The following ASB15 variants were observed in gnomAD, a reference collection of about 807,000 sequenced individuals.
ASB15 encodes ankyrin repeat and SOCS box containing 15.
Under a neutral mutation model 58.0 loss-of-function variants are expected in ASB15, and 54 were observed. That is an observed-to-expected ratio of 0.93 (90% CI 0.75 to 1.17). The LOEUF is 1.17. Ranked by LOEUF, ASB15 falls within the 50% of genes most tolerant of loss-of-function variation. The pLI is 0.00. For synonymous variants in ASB15, 249 were observed against 262.4 expected, an observed-to-expected ratio of 0.95 and a Z score of 0.50; for missense variants, 680 against 707.4, an observed-to-expected ratio of 0.96 and a Z score of 0.44.
intron 7 of ASB15, among the ~76,000 whole-genome samples, chr7:123,618,645 G>A (rs1038863678): frequency 4.0e-5 from 6 of 151,766 alleles, no homozygotes; most frequent in Admixed American, 2.6e-4. Flanking sequence ...AGGAGAGGGA[G>A]GAAAGGATGT....
At chr7:123,578,624 C>A (rs1198239825) in intron 1 of ASB15, among the ~76,000 whole-genome samples, 1 of 151,854 alleles carries the variant, frequency 6.6e-6, no homozygotes. Flanking sequence ...TTTGTATATA[C>A]TCTTTTAATA....
intron 1 of ASB15, among the ~76,000 whole-genome samples, chr7:123,593,412 G>A (rs1316257788): frequency 1.3e-5 from 2 of 152,104 alleles, no homozygotes; most frequent in African/African-American, 2.4e-5. Context: ...GCTGGTACCC[G>A]TTGTTCCTTT....
intron 6 of ASB15, 124 bp downstream of exon 6, chr7:123,616,619 T>A: frequency 8.3e-7 from 1 of 1,198,512 alleles, no homozygotes; most frequent in South Asian, 1.5e-5. Flanking sequence ...TATTTGGAAT[T>A]TGAAAAAGGC....
chr7:123,624,737 A>T lies in ASB15; in HGVS notation c.620A>T (p.Asp207Val). ...LKHGGNVHLR[D>V]GFGVTPLGVA... ...CATGGAGGCAATGTCCACCTGAGAGATGGATTTGGAGTCACACCACTAGGC... is the reference window on the plus strand; with the variant it reads ...CATGGAGGCAATGTCCACCTGAGAGTTGGATTTGGAGTCACACCACTAGGC... Residue 207 changes from aspartate to valine, a missense_variant, in exon 8 of 12, where the codon GAT (aspartate) becomes GTT (valine). Asp to Val is a radical substitution (Grantham distance 152). Transcript: ENST00000451215. 6.2e-7 allele frequency: 1 copy of T among 1,614,052 alleles called. No homozygotes were observed. Among genetic ancestry groups the T allele is most frequent in the Non-Finnish European group, 8.5e-7 (1 of 1,179,910 alleles).
chr7:123,567,633 G>A (rs1798797898), intron 1 of ASB15, among the ~76,000 whole-genome samples: 1 of 152,080 alleles, frequency 6.6e-6, no homozygotes, highest in African/African-American at 2.4e-5. Flanking sequence ...ACTGAGAGAG[G>A]CATGAGGAAA....
At chr7:123,597,314 G>A (rs1799725913), upstream of ASB15, among the ~76,000 whole-genome samples, 1 of 152,162 alleles carries the variant, frequency 6.6e-6, no homozygotes, top group Non-Finnish European at 1.5e-5. Context: ...CACAGTGTTT[G>A]TGTTCAAGGA....
intron 8 of ASB15, 146 bp downstream of exon 8, chr7:123,624,960 C>T: frequency 1.0e-6 from 1 of 992,970 alleles, no homozygotes; most frequent in Non-Finnish European, 1.5e-6. Context: ...GTTTTCCCAC[C>T]TGGTCCCTCA....
chr7:123,617,110 A>G (rs1427062562), intron 6 of ASB15, among the ~76,000 whole-genome samples: 9 of 152,276 alleles, frequency 5.9e-5, no homozygotes, highest in Admixed American at 4.6e-4. Flanking sequence ...TCTGGGAGAT[A>G]CATACTTGAT....
In ASB15 at chr7:123,629,288, C is replaced by T. The variant is rs774257065; in HGVS notation, c.1294C>T (p.Leu432=). The T allele has an allele frequency of 6.2e-7, 1 of 1,613,992 alleles. No homozygotes were observed. The highest frequency in any genetic ancestry group is 8.5e-7 in the Non-Finnish European group (1 of 1,179,986). ...IQYALNDEVM[L]RLLLNNGYQV... is the part of the protein sequence containing the mutation. ...ATATGCTCTAAACGACGAGGTAATG[C>T]TGAGGCTATTGCTGAATAATGGCTA... Residue 432 remains leucine (L), a synonymous_variant, in exon 10 of 12, where the codon CTG becomes TTG. Coordinates refer to ENST00000451215, the MANE Select transcript of ASB15 (RefSeq NM_001290258.2).
rs867739784 is a variant in ASB15, at chr7:123,611,322, T to A, written c.-3+2668T>A. Among the ~76,000 whole-genome samples the A allele has an allele frequency of 2.6e-5, 4 of 151,834 alleles. No homozygotes were observed. In the South Asian group the frequency reaches 8.3e-4, roughly 32 times the overall value. ...TTTTTTTCTTTTTTTTGAGACGGAG[T>A]CTCGCTCTGTCGCCCAGGCTGGGGT... On this transcript the variant is annotated intron_variant, in intron 3 of 11. Transcript: ENST00000451215.
In ASB15 at chr7:123,617,590, A is replaced by G; in HGVS notation, c.304A>G (p.Thr102Ala). The G allele has an allele frequency of 1.2e-6, 2 of 1,610,248 alleles. No homozygotes were observed. Among genetic ancestry groups the G allele is most frequent in the Non-Finnish European group, 1.7e-6 (2 of 1,176,640 alleles). Reference sequence around the variant, plus strand: ...CTTTCATGTCACAGCATCCTATAAGACACTCTGGGAATTCAAGACCTGTGA... The same window carrying G: ...CTTTCATGTCACAGCATCCTATAAGGCACTCTGGGAATTCAAGACCTGTGA... ...LEIVLDASYK[T>A]LWEFKTCDGE... is the part of the protein sequence containing the mutation. The change falls in exon 7 of 12, where the codon ACA becomes GCA. Residue 102 changes from threonine to alanine, a missense_variant. Coordinates refer to ENST00000451215, the MANE Select transcript of ASB15 (RefSeq NM_001290258.2).
upstream of ASB15, among the ~76,000 whole-genome samples, chr7:123,597,637 G>A (rs1417125403): frequency 1.3e-5 from 2 of 151,992 alleles, no homozygotes; most frequent in African/African-American, 4.8e-5. Context: ...TTCGAGACCA[G>A]CTTGGCCAAC....
chr7:123,599,275 A>G (rs942299213), upstream of ASB15, among the ~76,000 whole-genome samples: 1 of 152,208 alleles, frequency 6.6e-6, no homozygotes, highest in Non-Finnish European at 1.5e-5. Context: ...AACACACAAA[A>G]CAAACAAAAA....
chr7:123,585,204 G>A (rs1799342522), intron 1 of ASB15, among the ~76,000 whole-genome samples: 1 of 151,566 alleles, frequency 6.6e-6, no homozygotes, highest in South Asian at 2.1e-4. Context: ...TTTGAATTTT[G>A]TACCAATCCC....
intron 7 of ASB15, among the ~76,000 whole-genome samples, chr7:123,619,204 G>A (rs201090979): frequency 2.2e-4 from 25 of 111,220 alleles, no homozygotes; most frequent in African/African-American, 3.3e-4. Flanking sequence ...AAAAAAAAAA[G>A]AAGTCACATT....
chr7:123,620,852 G>A (rs1191533118), intron 7 of ASB15, among the ~76,000 whole-genome samples: 2 of 151,652 alleles, frequency 1.3e-5, no homozygotes, highest in Non-Finnish European at 2.9e-5. Context: ...GTGAGCCACT[G>A]TGCCTGGCCC....
intron 2 of ASB15, among the ~76,000 whole-genome samples, chr7:123,604,746 A>G (rs1181761369): frequency 6.6e-6 from 1 of 152,136 alleles, no homozygotes; most frequent in Non-Finnish European, 1.5e-5. Flanking sequence ...AAAATTGGTG[A>G]TTCTAGGGAA....
At position 123,617,711 on chromosome 7, in the gene ASB15, A is replaced by G. The variant is rs749743490; in HGVS notation, c.425A>G (p.Asp142Gly). The G allele has an allele frequency of 6.2e-7, 1 of 1,612,906 alleles. No individual in the cohort carries two copies. Among genetic ancestry groups the G allele is most frequent in the South Asian group, 1.1e-5 (1 of 91,022 alleles). The stretch of plus-strand genomic sequence containing the variant: ...GGAGTGTGGCCCAACACAAAAAATG[A>G]TAAAGGAGAGACCCCCCTTCTGATT... Reference protein sequence around the residue: ...EKGVWPNTKNDKGETPLLIAV... With the variant: ...EKGVWPNTKNGKGETPLLIAV... The change falls in exon 7 of 12, where the codon GAT becomes GGT. Residue 142 changes from aspartate (D) to glycine (G), a missense_variant. Asp to Gly is a moderately conservative substitution (Grantham distance 94, BLOSUM62 -1). Coordinates refer to ENST00000451215, the MANE Select transcript of ASB15 (RefSeq NM_001290258.2).
chr7:123,610,664 A>AGCTTTTAT (rs1424074038), intron 3 of ASB15, among the ~76,000 whole-genome samples: 4 of 152,172 alleles, frequency 2.6e-5, no homozygotes, highest in Admixed American at 2.6e-4. Flanking sequence ...GAGAATCCAT[A>AGCTTTTAT]GCTTTTATCA....
Sources: gnomAD v4.1 joint callset for allele counts (sites outside exome capture counted in the v4.1 genomes callset) on GRCh38, gnomAD v4.1.1 for gene constraint, MANE v1.5 for transcripts, NCBI Gene and HGNC (gene_info 2026-07-23, HGNC 2026-07-21) for gene names.